THRB: variants seen among roughly 807,000 people sequenced by gnomAD.
The protein encoded by THRB is nuclear receptor subfamily 1 group A member 2.
THRB carries 12 observed loss-of-function variants against 47.8 expected under a neutral mutation model. The observed-to-expected ratio is 0.25, with a 90% CI of 0.16 to 0.41. The LOEUF is 0.41. Ranked by LOEUF, THRB falls within the 10% of genes least tolerant of loss-of-function variation. THRB has a pLI of 1.00. For missense variants in THRB, 348 were observed against 589.2 expected, an observed-to-expected ratio of 0.59 and a Z score of 4.24; for synonymous variants, 218 against 212.2, an observed-to-expected ratio of 1.03 and a Z score of -0.24.
At chr3:24,441,386 C>A (rs975596421) in intron 1 of THRB, among the ~76,000 whole-genome samples, 1 of 152,144 alleles carries the variant, frequency 6.6e-6, no homozygotes, top group Non-Finnish European at 1.5e-5. Context: ...AAGGACTTAA[C>A]GTGGCTGAGG....
chr3:24,433,821 A>T (rs911193962), intron 1 of THRB, among the ~76,000 whole-genome samples: 3 of 152,058 alleles, frequency 2.0e-5, no homozygotes, highest in African/African-American at 7.2e-5. Context: ...GTGTTTTGAT[A>T]CTCCATGTAC....
At chr3:24,491,256 T>TGG (rs1201629898) in intron 1 of THRB, among the ~76,000 whole-genome samples, 1 of 152,238 alleles carries the variant, frequency 6.6e-6, no homozygotes, top group Non-Finnish European at 1.5e-5. Flanking sequence ...TTTAACAGTC[T>TGG]GATTTTGTGA....
At chr3:24,482,967 C>T (rs1318105436) in intron 1 of THRB, among the ~76,000 whole-genome samples, 1 of 152,012 alleles carries the variant, frequency 6.6e-6, no homozygotes, top group African/African-American at 2.4e-5. Flanking sequence ...GTTTATTTTT[C>T]TTTTATATGT....
rs1360367092 is a variant in THRB, at chr3:24,299,766, C to CTTTTTTTTTTTTTTTTTTT, written c.-188-2396_-188-2395insAAAAAAAAAAAAAAAAAAA. ...GCCTTGAGGCTTCTGGGGAAGTATG[C>CTTTTTTTTTTTTTTTTTTT]TTTTTTATTTATTTATTTATTTATT... On this transcript the variant is annotated intron_variant, in intron 2 of 10. Coordinates refer to ENST00000646209, the MANE Select transcript of THRB (RefSeq NM_001354712.2). Among the ~76,000 whole-genome samples, 20 of 58,572 alleles carry CTTTTTTTTTTTTTTTTTTT rather than the reference C, an allele frequency of 3.4e-4. 8 individuals carry two copies. Among genetic ancestry groups the CTTTTTTTTTTTTTTTTTTT allele is most frequent in the African/African-American group, 1.1e-3 (13 of 12,370 alleles). The allele number at this position is 58,572 out of a possible 152,430, so 38.4% of individuals were successfully genotyped here.
intron 1 of THRB, among the ~76,000 whole-genome samples, chr3:24,377,633 G>A (rs549104090): frequency 7.2e-5 from 11 of 152,128 alleles, no homozygotes; most frequent in Non-Finnish European, 1.5e-4. Context: ...TTCTGATAGA[G>A]CCTTAGATGC....
intron 3 of THRB, among the ~76,000 whole-genome samples, chr3:24,237,273 A>G (rs2048969374): frequency 6.6e-6 from 1 of 152,186 alleles, no homozygotes; most frequent in African/African-American, 2.4e-5. Flanking sequence ...TGAATGGCAA[A>G]GCTATACTTT....
At chr3:24,280,805 G>A (rs1413644245) in intron 3 of THRB, among the ~76,000 whole-genome samples, 1 of 152,126 alleles carries the variant, frequency 6.6e-6, no homozygotes, top group East Asian at 1.9e-4. Flanking sequence ...AGCCTCAGGA[G>A]CCCATGCGAT....
At chr3:24,382,067 CAG>C (rs1368174331) in intron 1 of THRB, among the ~76,000 whole-genome samples, 1 of 150,804 alleles carries the variant, frequency 6.6e-6, no homozygotes, top group Non-Finnish European at 1.5e-5. Context: ...AGTGGAGAAA[CAG>C]AAAAATATCC....
chr3:24,133,651 T>TA (rs754734589), intron 8 of THRB, among the ~76,000 whole-genome samples, 189 bp from the exon 9 acceptor site: 59 of 152,068 alleles, frequency 3.9e-4, no homozygotes, highest in Non-Finnish European at 6.6e-4. Flanking sequence ...GCCATTGCTT[T>TA]AATAGGCCCT....
At chr3:24,165,829 CAGCTTA>C (rs1440482455) in intron 5 of THRB, among the ~76,000 whole-genome samples, 2 of 152,258 alleles carry the variant, frequency 1.3e-5, no homozygotes, top group East Asian at 1.9e-4. Context: ...TTTTGGTTGA[CAGCTTA>C]AGCATGAAAC....
At chr3:24,400,878 T>A (rs538670703) in intron 1 of THRB, among the ~76,000 whole-genome samples, 13 of 152,212 alleles carry the variant, frequency 8.5e-5, no homozygotes, top group South Asian at 8.3e-4. Context: ...AGTCCAACAC[T>A]TTCCACAACT....
intron 5 of THRB, among the ~76,000 whole-genome samples, chr3:24,189,024 T>A (rs2043003669): frequency 6.6e-6 from 1 of 151,634 alleles, no homozygotes; most frequent in African/African-American, 2.4e-5. Flanking sequence ...ATTTCCCAGG[T>A]AAACTGGTAA....
intron 5 of THRB, among the ~76,000 whole-genome samples, chr3:24,181,983 C>T (rs1168510831): frequency 1.3e-5 from 2 of 152,108 alleles, no homozygotes; most frequent in African/African-American, 4.8e-5. Flanking sequence ...GGGCGGATCA[C>T]GAGTTCAGGA....
At chr3:24,128,118 ACT>A (rs1445511688) in intron 9 of THRB, among the ~76,000 whole-genome samples, 1 of 152,050 alleles carries the variant, frequency 6.6e-6, no homozygotes, top group Non-Finnish European at 1.5e-5. Flanking sequence ...TTTATGTTAA[ACT>A]CTCCATTTTT....
At position 24,178,035 on chromosome 3, in the gene THRB, A is replaced by C. The variant is rs374751182; in HGVS notation, c.283+12039T>G. Among the ~76,000 whole-genome samples the C allele has an allele frequency of 7.2e-5, 11 of 152,072 alleles. No homozygotes were observed. The South Asian group carries it at 1.1e-3, about 15-fold the overall frequency. Reference sequence around the variant, plus strand: ...TAGGTAAGTATCATCCTATGGGTCCAACCTTAAAAATGTCACAGGGGACAG... The same window carrying C: ...TAGGTAAGTATCATCCTATGGGTCCCACCTTAAAAATGTCACAGGGGACAG... On this transcript the variant is annotated intron_variant, in intron 5 of 10. Transcript: ENST00000646209.
Position 24,380,629 on chromosome 3 carries a change from T to A in THRB, c.-260-43258A>T, listed in dbSNP as rs897344134. On this transcript the variant is annotated intron_variant, in intron 1 of 10. Transcript: ENST00000646209. ...ATTCTATTCTTTACTTTTGTCTCTG[T>A]GTATCTCATCTAGACAAATAAGAAT... 2.0e-4 allele frequency among the ~76,000 whole-genome samples: 31 copies of A among 152,188 alleles called. 1 individual carries two copies. Among genetic ancestry groups the A allele is most frequent in the Non-Finnish European group, 1.3e-4 (9 of 68,028 alleles).
At chr3:24,317,953 G>C (rs1026402742) in intron 2 of THRB, among the ~76,000 whole-genome samples, 4 of 152,120 alleles carry the variant, frequency 2.6e-5, no homozygotes, top group Non-Finnish European at 4.4e-5. Context: ...AGCTACCTGG[G>C]AGACTGAGTC....
chr3:24,126,986 T>C (rs745559396), intron 10 of THRB, among the ~76,000 whole-genome samples: 9 of 152,218 alleles, frequency 5.9e-5, no homozygotes, highest in Non-Finnish European at 8.8e-5. Flanking sequence ...TGAACCAGTG[T>C]TTGATGTCCC....
At chr3:24,432,524 T>C (rs1327770344) in intron 1 of THRB, among the ~76,000 whole-genome samples, 1 of 152,118 alleles carries the variant, frequency 6.6e-6, no homozygotes, top group Non-Finnish European at 1.5e-5. Context: ...CTTGGAAATA[T>C]ATTTTATGAG....
Sources: gnomAD v4.1 joint callset for allele counts (sites outside exome capture counted in the v4.1 genomes callset) on GRCh38, gnomAD v4.1.1 for gene constraint, MANE v1.5 for transcripts, NCBI Gene and HGNC (gene_info 2026-07-23, HGNC 2026-07-21) for gene names.